TULP4: variants seen among roughly 807,000 people sequenced by gnomAD.
The protein encoded by TULP4 is TUB like protein 4.
A neutral mutation model predicts 129.0 loss-of-function variants in TULP4; 16 were observed. The ratio of observed to expected loss-of-function variants is 0.12; its 90% CI spans 0.08 to 0.19. TULP4 has a LOEUF of 0.19. TULP4 is among the 10% of genes least tolerant of loss of function. The pLI is 1.00. For synonymous variants in TULP4, 998 were observed against 854.0 expected, an observed-to-expected ratio of 1.17 and a Z score of -2.94; for missense variants, 1,842 against 2,059.1, an observed-to-expected ratio of 0.89 and a Z score of 2.04.
chr6:158,341,658 T>C (rs959488501), intron 1 of TULP4, among the ~76,000 whole-genome samples: 7 of 152,200 alleles, frequency 4.6e-5, no homozygotes, highest in Non-Finnish European at 1.0e-4. Flanking sequence ...TGTCTCTGAT[T>C]AGTGATGTTG....
chr6:158,483,945 G>T (rs1158237966), intron 8 of TULP4, among the ~76,000 whole-genome samples: 5 of 151,258 alleles, frequency 3.3e-5, no homozygotes, highest in Non-Finnish European at 5.9e-5. Flanking sequence ...TTCAGACAGG[G>T]TCTCACGGTG....
intron 1 of TULP4, chr6:158,237,972 G>T: frequency 2.8e-6 from 2 of 727,200 alleles, no homozygotes; most frequent in Non-Finnish European, 5.1e-6. Flanking sequence ...TGAGCTTGAA[G>T]TTTGCAGCTT....
At chr6:158,453,970 A>G (rs1779227112) in intron 5 of TULP4, among the ~76,000 whole-genome samples, 1 of 149,616 alleles carries the variant, frequency 6.7e-6, no homozygotes, top group Non-Finnish European at 1.5e-5. Flanking sequence ...AAAAGAATCA[A>G]GTCTATATAC....
At chr6:158,457,708 C>G (rs1779324853) in intron 5 of TULP4, among the ~76,000 whole-genome samples, 1 of 152,190 alleles carries the variant, frequency 6.6e-6, no homozygotes, top group Non-Finnish European at 1.5e-5. Context: ...GCTCCAACCC[C>G]TGAGCTTTGT....
chr6:158,301,259 A>G (rs982090870), intron 1 of TULP4, among the ~76,000 whole-genome samples: 2 of 152,194 alleles, frequency 1.3e-5, no homozygotes, highest in African/African-American at 4.8e-5. Context: ...GGTTAGAAAT[A>G]AGCTTGTCTG....
intron 1 of TULP4, among the ~76,000 whole-genome samples, chr6:158,323,535 A>ACCAG (rs1554280137): frequency 2.6e-4 from 1 of 3,862 alleles, no homozygotes; most frequent in Non-Finnish European, 1.3e-3. Flanking sequence ...ATGCTAGGTG[A>ACCAG]CCACATCTAC....
At chr6:158,322,927 T>C (rs1055820730) in intron 1 of TULP4, among the ~76,000 whole-genome samples, 2 of 152,208 alleles carry the variant, frequency 1.3e-5, no homozygotes, top group Non-Finnish European at 2.9e-5. Flanking sequence ...GTGGTGAAGA[T>C]GATCTTTGAG....
intron 1 of TULP4, among the ~76,000 whole-genome samples, chr6:158,357,166 A>G (rs1172181134): frequency 2.0e-5 from 3 of 152,166 alleles, no homozygotes; most frequent in Non-Finnish European, 4.4e-5. Flanking sequence ...CCCTCTCTGG[A>G]TATGCTATTG....
At chr6:158,453,918 A>G (rs28639499) in intron 5 of TULP4, among the ~76,000 whole-genome samples, 24,935 of 151,352 alleles carry the variant, frequency 0.16, 2,634 homozygotes, top group Middle Eastern at 0.25. Context: ...GCACCACTGC[A>G]TTCCGGCCTG....
intron 12 of TULP4, among the ~76,000 whole-genome samples, chr6:158,500,192 A>G (rs189329598): frequency 2.3e-3 from 348 of 152,316 alleles, no homozygotes; most frequent in African/African-American, 8.1e-3. Flanking sequence ...GAGGGAACAT[A>G]TTGTCTCAGG....
intron 1 of TULP4, among the ~76,000 whole-genome samples, chr6:158,331,121 TGA>T: frequency 6.6e-6 from 1 of 152,304 alleles, no homozygotes; most frequent in Admixed American, 6.5e-5. Flanking sequence ...GATAATCTGT[TGA>T]GAGATCACTT....
chr6:158,361,686 T>C (rs898567747), intron 1 of TULP4, among the ~76,000 whole-genome samples: 4 of 152,232 alleles, frequency 2.6e-5, no homozygotes, highest in African/African-American at 9.6e-5. Context: ...GTAAAAGACC[T>C]GAACTATACA....
At chr6:158,418,659 C>T (rs1156682194) in intron 2 of TULP4, among the ~76,000 whole-genome samples, 1 of 152,150 alleles carries the variant, frequency 6.6e-6, no homozygotes, top group Non-Finnish European at 1.5e-5. Context: ...GTCCCAGCTA[C>T]TCGGAAGGCG....
intron 1 of TULP4, among the ~76,000 whole-genome samples, chr6:158,283,038 C>T (rs1778783606): frequency 6.6e-6 from 1 of 151,612 alleles, no homozygotes; most frequent in Non-Finnish European, 1.5e-5. Flanking sequence ...ACTCAGGAGG[C>T]TGAGGCAGGA....
chr6:158,318,469 G>C (rs74349310), intron 1 of TULP4, among the ~76,000 whole-genome samples: 1,941 of 152,256 alleles, frequency 0.013, 43 homozygotes, highest in African/African-American at 0.045. Context: ...CGTGGTTTCA[G>C]ACATCTTACC....
At chr6:158,318,515 A>G (rs1002845201) in intron 1 of TULP4, among the ~76,000 whole-genome samples, 1 of 152,194 alleles carries the variant, frequency 6.6e-6, no homozygotes, top group African/African-American at 2.4e-5. Flanking sequence ...GGAAGATATC[A>G]TTATTTCCAT....
At chr6:158,494,950 CA>C in intron 11 of TULP4, 104 bp downstream of exon 11, 8 of 861,854 alleles carry the variant, frequency 9.3e-6, no homozygotes, top group Non-Finnish European at 1.4e-5. Context: ...TTTAAGACAG[CA>C]AAAGATTAGC....
At position 158,501,531 on chromosome 6, in the gene TULP4, C is replaced by T. The variant is rs559522831; in HGVS notation, c.2015-147C>T. 138 of 798,726 alleles carry T rather than the reference C, an allele frequency of 1.7e-4. No individual in the cohort carries two copies. In the African/African-American group the frequency reaches 2.0e-3, roughly 12 times the overall value. 49.5% of individuals were successfully genotyped at this position (798,726 alleles called of 1,614,324 possible). On this transcript the variant is annotated intron_variant, in intron 12 of 13. Coordinates refer to ENST00000367097, the MANE Select transcript of TULP4 (RefSeq NM_020245.5). ...CATCTCCCTTGTGCGAGCAGGCCAGCTTTCCCCAAGCAGACACGTCTCTGT... is the reference window on the plus strand; with the variant it reads ...CATCTCCCTTGTGCGAGCAGGCCAGTTTTCCCCAAGCAGACACGTCTCTGT...
chr6:158,295,483 AAAAC>A (rs923515139), intron 1 of TULP4, among the ~76,000 whole-genome samples: 9 of 152,170 alleles, frequency 5.9e-5, no homozygotes, highest in African/African-American at 2.2e-4. Context: ...AATTAAAAAA[AAAAC>A]AAAACTTACT....
Sources: allele counts gnomAD v4.1 joint callset (sites outside exome capture counted in the v4.1 genomes callset), GRCh38; gene constraint gnomAD v4.1.1; transcripts MANE v1.5; gene names NCBI Gene and HGNC (gene_info 2026-07-23, HGNC 2026-07-21).